ZNF217: variants seen among roughly 807,000 people sequenced by gnomAD.
ZNF217 encodes zinc finger protein 217.
ZNF217 carries 12 observed loss-of-function variants against 73.3 expected under a neutral mutation model. The ratio of observed to expected loss-of-function variants is 0.16; its 90% CI spans 0.10 to 0.27. The LOEUF is 0.27. Among genes scored for constraint, ZNF217 ranks in the 10% least tolerant of loss-of-function variants. ZNF217 has a pLI of 1.00. For missense variants in ZNF217, 1,195 were observed against 1,327.8 expected (o/e 0.90, Z 1.55); for synonymous variants, 588 against 516.4 (o/e 1.14, Z -1.88).
At position 53,577,008 on chromosome 20, in the gene ZNF217, C is replaced by T; in HGVS notation, c.1756G>A (p.Val586Ile). 2 of 1,614,246 alleles carry T rather than the reference C, an allele frequency of 1.2e-6. No individual in the cohort carries two copies. The highest frequency in any genetic ancestry group is 1.1e-5 in the South Asian group (1 of 91,086). The change falls in exon 4 of 6, where the codon GTT becomes ATT. Residue 586 changes from valine to isoleucine, a missense_variant. Transcript: ENST00000371471. ...GGTGAGAGGACAGCGCTGCCCAGAA[C>T]ATTCTGAAAAACAGAAGGCATCTCC... The part of the protein sequence containing the change: ...LKEMPSVFQN[V>I]LGSAVLSPAH...
chr20:53,590,966 A>T (rs976116959), intron 1 of ZNF217, among the ~76,000 whole-genome samples: 2 of 152,212 alleles, frequency 1.3e-5, no homozygotes, highest in African/African-American at 4.8e-5. Context: ...GGAGGCTCAC[A>T]AAGAAAAATG....
chr20:53,582,591 T>G lies in ZNF217; in HGVS notation c.236A>C (p.Asp79Ala), dbSNP rs763257106. ...TTGCATTAAGACATGTTTATTAAGGTCTTCTGAATGTGTGAAGGTCTGGCT... is the reference window on the plus strand; with the variant it reads ...TTGCATTAAGACATGTTTATTAAGGGCTTCTGAATGTGTGAAGGTCTGGCT... ...FCSQTFTHSE[D>A]LNKHVLMQHR... The change falls in exon 2 of 6, where the codon GAC becomes GCC. Residue 79 changes from aspartate (D) to alanine (A), a missense_variant. Asp to Ala is a moderately radical substitution (Grantham distance 126). Transcript: ENST00000371471. This position sits in a 1 kb window ranked among gnomAD's most constrained non-coding sequence, Gnocchi z 4.8. 5.0e-6 allele frequency: 8 copies of G among 1,614,172 alleles called. No homozygotes were observed. In the East Asian group the frequency reaches 1.8e-4, roughly 36 times the overall value.
At chr20:53,594,538 C>T (rs554884871), upstream of ZNF217, among the ~76,000 whole-genome samples, 156 of 151,732 alleles carry the variant, frequency 1.0e-3, no homozygotes, top group Non-Finnish European at 1.7e-3. Context: ...CGCGCCGTGC[C>T]ACCCTCCCCG....
chr20:53,592,875 C>G (rs992027931), intron 1 of ZNF217, among the ~76,000 whole-genome samples: 1 of 151,488 alleles, frequency 6.6e-6, no homozygotes, highest in African/African-American at 2.4e-5. Context: ...AAAGCAGCAG[C>G]ACTTTTGGGC....
At chr20:53,596,623 C>G (rs753323853), upstream of ZNF217, among the ~76,000 whole-genome samples, 4 of 152,114 alleles carry the variant, frequency 2.6e-5, no homozygotes, top group Admixed American at 6.6e-5. Context: ...CAGGAGAACA[C>G]TGGAAGCATT....
chr20:53,577,392 T>A, intron 3 of ZNF217, 112 bp from the exon 4 acceptor site: 1 of 912,946 alleles, frequency 1.1e-6, no homozygotes, highest in Non-Finnish European at 1.6e-6. Flanking sequence ...TTTCTCGATC[T>A]ACTATCACAT....
Position 53,577,080 on chromosome 20 carries a change from C to G in ZNF217, c.1684G>C (p.Asp562His). ...AQTKNLKRFF[D>H]GAKDVTGSPP... Reference sequence around the variant, plus strand: ...CTGCCTGTAACATCTTTGGCACCATCAAAAAATCTTTTCAAATTTTTGGTT... The same window carrying G: ...CTGCCTGTAACATCTTTGGCACCATGAAAAAATCTTTTCAAATTTTTGGTT... The change falls in exon 4 of 6, where the codon GAT (aspartate) becomes CAT (histidine). Residue 562 changes from aspartate to histidine, a missense_variant. By Grantham distance (81) the Asp-to-His change is moderately conservative. Around this residue, in one of 9 missense-constraint regions of ZNF217, gnomAD observed 649 missense variants for 642.8 expected, o/e 1.01. Coordinates refer to ENST00000371471, the MANE Select transcript of ZNF217 (RefSeq NM_006526.3). 6.2e-7 allele frequency: 1 copy of G among 1,614,170 alleles called. No individual in the cohort carries two copies.
chr20:53,572,326 T>C (rs1206418592), intron 4 of ZNF217, among the ~76,000 whole-genome samples: 1 of 152,018 alleles, frequency 6.6e-6, no homozygotes, highest in South Asian at 2.1e-4. Context: ...GATGGAAGGA[T>C]TGCTTGAGTC....
At position 53,571,848 on chromosome 20, in the gene ZNF217, T is replaced by C; in HGVS notation, c.3043A>G (p.Arg1015Gly). ...PASSSTLEGK[R>G]PVSYQHLSNS... ...GATAAGTGTTGATATGACACAGGCC[T>C]TTTTCCTGATTGAAAAAAAAAACAT... The change falls in exon 5 of 6, where the codon AGG becomes GGG. Residue 1015 changes from arginine (R) to glycine (G), a missense_variant. Arg to Gly is a moderately radical substitution (Grantham distance 125). Transcript: ENST00000371471. 6.3e-7 allele frequency: 1 copy of C among 1,586,828 alleles called. No homozygotes were observed. Among genetic ancestry groups the C allele is most frequent in the African/African-American group, 1.4e-5 (1 of 72,988 alleles).
At chr20:53,593,241 GC>G (rs1394463835) in intron 1 of ZNF217, among the ~76,000 whole-genome samples, 1 of 152,192 alleles carries the variant, frequency 6.6e-6, no homozygotes, top group East Asian at 1.9e-4. Flanking sequence ...GACCGTCCCG[GC>G]CATTGTTTAC....
chr20:53,571,243 C>A (rs557782799), intron 5 of ZNF217, among the ~76,000 whole-genome samples: 19 of 152,286 alleles, frequency 1.2e-4, no homozygotes, highest in African/African-American at 4.3e-4. Context: ...ATTCCAGTCA[C>A]TATGACTGTT....
At position 53,571,721 on chromosome 20, in the gene ZNF217, C is replaced by CT. The variant is rs764917995; in HGVS notation, c.*22dup. 8 of 1,606,722 alleles carry CT rather than the reference C, an allele frequency of 5.0e-6. No individual in the cohort carries two copies. In the African/African-American group the frequency reaches 5.4e-5, roughly 11 times the overall value. On this transcript the variant is annotated splice_region_variant and 3_prime_UTR_variant, in exon 5 of 6. Transcript: ENST00000371471. Reference sequence around the variant, plus strand: ...GTTTTTAATTGAAACATATGCTCACCTTTTTTCCCCCTAATTAGTGAATCA... The same window carrying CT: ...GTTTTTAATTGAAACATATGCTCACCTTTTTTTCCCCCTAATTAGTGAATCA...
chr20:53,572,521 G>C (rs764118155), intron 4 of ZNF217: 3 of 152,262 alleles, frequency 2.0e-5, no homozygotes, highest in South Asian at 2.1e-4. Context: ...AGCACCATGG[G>C]GGGGGAAATG....
Position 53,575,895 on chromosome 20 carries a change from G to C in ZNF217, c.2869C>G (p.Gln957Glu). 6.2e-6 allele frequency: 10 copies of C among 1,614,230 alleles called. No homozygotes were observed. The highest frequency in any genetic ancestry group is 8.5e-6 in the Non-Finnish European group (10 of 1,180,040). Residue 957 changes from glutamine (Q) to glutamate (E), a missense_variant, in exon 4 of 6, where the codon CAG becomes GAG. Transcript: ENST00000371471. The stretch of plus-strand genomic sequence containing the variant: ...GCCTGCGACGGATACACACAGTCCT[G>C]CGGTAACAGTGATGTGATGCCTCTG... ...MVRGITSLLP[Q>E]DCVYPSQALP...
rs1299887528 is a variant in ZNF217, at chr20:53,576,842, C to T, written c.1922G>A (p.Cys641Tyr). 4 of 1,614,086 alleles carry T rather than the reference C, an allele frequency of 2.5e-6. No homozygotes were observed. The African/African-American group carries it at 5.3e-5, about 22-fold the overall frequency. ...AGGAGTAACATCCGCCTTGGTTCTA[C>T]AGATGAGGTTATTTGCCTGAGTTTC... ...AVETQANNLI[C>Y]RTKADVTPPP... Residue 641 changes from cysteine to tyrosine, a missense_variant, in exon 4 of 6, where the codon TGT becomes TAT. Coordinates refer to ENST00000371471, the MANE Select transcript of ZNF217 (RefSeq NM_006526.3).
intron 4 of ZNF217, chr20:53,572,506 T>C (rs936741458): frequency 6.6e-6 from 1 of 152,168 alleles, no homozygotes; most frequent in African/African-American, 2.4e-5. Context: ...TTCATGTCCA[T>C]TTTAAGCACC....
In ZNF217 at chr20:53,576,992, A is replaced by T; in HGVS notation, c.1772T>A (p.Val591Asp). The change falls in exon 4 of 6, where the codon GTC becomes GAC. Residue 591 changes from valine to aspartate, a missense_variant. Val to Asp is a radical substitution (Grantham distance 152). Transcript: ENST00000371471. ...SVFQNVLGSAVLSPAHKDTQD... is the reference protein window; with the variant it reads ...SVFQNVLGSADLSPAHKDTQD... ...AGTATCTTTGTGTGCTGGTGAGAGG[A>T]CAGCGCTGCCCAGAACATTCTGAAA... is the stretch of plus-strand genomic sequence containing the variant. The T allele has an allele frequency of 1.2e-6, 2 of 1,614,206 alleles. No individual in the cohort carries two copies. Among genetic ancestry groups the T allele is most frequent in the Non-Finnish European group, 1.7e-6 (2 of 1,180,042 alleles).
chr20:53,567,520 C>T lies in ZNF217; in HGVS notation c.*1768G>A, dbSNP rs1228226965. 1 of 151,718 alleles carries T rather than the reference C, an allele frequency of 6.6e-6. No homozygotes were observed. The highest frequency in any genetic ancestry group is 1.5e-5 in the Non-Finnish European group (1 of 67,428). 9.4% of individuals were successfully genotyped at this position (151,718 alleles called of 1,614,324 possible). A position where few individuals can be genotyped will look rare whatever the true frequency, so the allele number is the denominator to read the frequency against. Reference sequence around the variant, plus strand: ...TTCCAGCCCTCTATTATCACATACCCCCTTTAAGATTTATGGTTCTAGTCA... The same window carrying T: ...TTCCAGCCCTCTATTATCACATACCTCCTTTAAGATTTATGGTTCTAGTCA... On this transcript the variant is annotated 3_prime_UTR_variant, in exon 6 of 6. Coordinates refer to ENST00000371471, the MANE Select transcript of ZNF217 (RefSeq NM_006526.3).
upstream of ZNF217, among the ~76,000 whole-genome samples, chr20:53,597,083 C>CAA (rs11483077): frequency 1.3e-3 from 153 of 120,728 alleles, no homozygotes; most frequent in African/African-American, 2.0e-3. Flanking sequence ...AGTAACATAA[C>CAA]AAAAAAAAAA....
Sources: allele counts gnomAD v4.1 joint callset (sites outside exome capture counted in the v4.1 genomes callset), GRCh38; gene constraint gnomAD v4.1.1; regional missense constraint gnomAD v4.1.1; non-coding constraint Gnocchi (gnomAD v3.1); transcripts MANE v1.5; gene names NCBI Gene and HGNC (gene_info 2026-07-23, HGNC 2026-07-21).